Variants in SOX6 observed in about 807,000 individuals in gnomAD.
SOX6 encodes the protein SRY-box transcription factor 6, also known as transcription factor SOX-6.
SOX6 carries 11 observed loss-of-function variants against 97.8 expected under a neutral mutation model. The observed-to-expected ratio is 0.11, with a 90% CI of 0.07 to 0.19. The LOEUF is 0.19. Ranked by LOEUF, SOX6 falls within the 10% of genes least tolerant of loss-of-function variation. The pLI, the probability that SOX6 is intolerant of heterozygous loss-of-function variation, is 1.00. For synonymous variants in SOX6, 360 were observed against 371.4 expected (o/e 0.97, Z 0.35); for missense variants, 810 against 1,039.5 (o/e 0.78, Z 3.04).
At chr11:16,310,725 T>C (rs1855576963) in intron 3 of SOX6, among the ~76,000 whole-genome samples, 1 of 152,138 alleles carries the variant, frequency 6.6e-6, no homozygotes, top group Non-Finnish European at 1.5e-5. Context: ...ATACTTAAAG[T>C]GTTTCTTATG....
At chr11:16,191,284 G>C (rs1056100996) in intron 4 of SOX6, among the ~76,000 whole-genome samples, 31 of 151,972 alleles carry the variant, frequency 2.0e-4, no homozygotes, top group Non-Finnish European at 3.2e-4. Context: ...GTAAGAACCT[G>C]TCTCTCCAAA....
chr11:16,130,186 T>C (rs966383291), intron 6 of SOX6, among the ~76,000 whole-genome samples: 6 of 151,980 alleles, frequency 3.9e-5, no homozygotes, highest in African/African-American at 1.4e-4. Flanking sequence ...TAACTCCATT[T>C]ACATTAGCAT....
chr11:16,267,030 C>CAA (rs1854101750), intron 3 of SOX6, among the ~76,000 whole-genome samples: 3 of 151,172 alleles, frequency 2.0e-5, no homozygotes, highest in African/African-American at 7.3e-5. Context: ...ATACCACATA[C>CAA]AAAATCAACT....
intron 6 of SOX6, among the ~76,000 whole-genome samples, chr11:16,146,185 A>G (rs2134048428): frequency 6.6e-6 from 1 of 152,342 alleles, no homozygotes; most frequent in Admixed American, 6.5e-5. Flanking sequence ...CAGAGCCCTC[A>G]GAAATAATAC....
intron 4 of SOX6, among the ~76,000 whole-genome samples, chr11:16,493,513 G>C (rs1190046246): frequency 6.6e-6 from 1 of 152,150 alleles, no homozygotes; most frequent in Non-Finnish European, 1.5e-5. Context: ...GTTGGTATAG[G>C]AAGAAGAAAG....
intron 3 of SOX6, among the ~76,000 whole-genome samples, chr11:16,289,706 T>A (rs1479160991): frequency 1.3e-5 from 2 of 152,018 alleles, no homozygotes; most frequent in Non-Finnish European, 1.5e-5. Flanking sequence ...ATTCGCAGCC[T>A]ATCAATTCTG....
At chr11:15,976,150 T>C (rs1282593988) in intron 15 of SOX6, among the ~76,000 whole-genome samples, 1 of 152,152 alleles carries the variant, frequency 6.6e-6, no homozygotes, top group Non-Finnish European at 1.5e-5. Context: ...CACATTCACA[T>C]ACAACTGTTC....
At chr11:16,340,865 AG>A in intron 2 of SOX6, 146 bp downstream of exon 2, 1 of 1,103,222 alleles carries the variant, frequency 9.1e-7, no homozygotes, top group Non-Finnish European at 1.3e-6. Flanking sequence ...TCCAGTTATT[AG>A]TATCTTAGTA....
intron 3 of SOX6, among the ~76,000 whole-genome samples, chr11:16,617,034 A>G (rs547548520): frequency 6.6e-6 from 1 of 151,938 alleles, no homozygotes; most frequent in Non-Finnish European, 1.5e-5. Flanking sequence ...TCATAATGAT[A>G]CATACAAGAT....
At chr11:16,460,816 G>A (rs1484757360) in intron 1 of SOX6, among the ~76,000 whole-genome samples, 8 of 151,998 alleles carry the variant, frequency 5.3e-5, no homozygotes, top group African/African-American at 1.4e-4. Flanking sequence ...GCCACCTGAT[G>A]AAAAAGCCAT....
chr11:16,425,906 T>C (rs1346690722), intron 1 of SOX6, among the ~76,000 whole-genome samples: 1 of 152,040 alleles, frequency 6.6e-6, no homozygotes, highest in Non-Finnish European at 1.5e-5. Flanking sequence ...AATTTATAGA[T>C]TCAATGCTAT....
chr11:16,368,108 C>T (rs556448709), intron 1 of SOX6, among the ~76,000 whole-genome samples: 4 of 152,088 alleles, frequency 2.6e-5, no homozygotes, highest in South Asian at 4.2e-4. Context: ...CTATTGGCCA[C>T]GAAATAATTC....
chr11:16,665,055 C>T (rs1425693160), intron 3 of SOX6, among the ~76,000 whole-genome samples: 1 of 151,884 alleles, frequency 6.6e-6, no homozygotes. Context: ...GGTAACCAGA[C>T]AGTATTTGCC....
intron 1 of SOX6, among the ~76,000 whole-genome samples, chr11:16,403,052 T>G: frequency 6.6e-6 from 1 of 151,758 alleles, no homozygotes; most frequent in South Asian, 2.1e-4. Context: ...TTCACATCAC[T>G]GGCCTATCAA....
intron 12 of SOX6, among the ~76,000 whole-genome samples, chr11:16,035,399 C>G (rs1269936205): frequency 6.6e-6 from 1 of 152,112 alleles, no homozygotes; most frequent in Admixed American, 6.5e-5. Flanking sequence ...AGGATGTTTG[C>G]TAGAATTAAC....
At chr11:16,292,427 A>G (rs888213953) in intron 3 of SOX6, among the ~76,000 whole-genome samples, 2 of 152,078 alleles carry the variant, frequency 1.3e-5, no homozygotes, top group East Asian at 1.9e-4. Context: ...AATGTCTAGA[A>G]TCCAAAGAAA....
chr11:16,069,084 A>G (rs1245305886), intron 9 of SOX6, among the ~76,000 whole-genome samples: 1 of 152,142 alleles, frequency 6.6e-6, no homozygotes, highest in Non-Finnish European at 1.5e-5. Flanking sequence ...CCAGAGATGG[A>G]GGTCATCTTT....
At chr11:16,132,805 A>G (rs1590217435) in intron 6 of SOX6, among the ~76,000 whole-genome samples, 1 of 152,042 alleles carries the variant, frequency 6.6e-6, no homozygotes, top group African/African-American at 2.4e-5. Context: ...GACACACAAA[A>G]TCCACCAAGT....
intron 15 of SOX6, 148 bp from the exon 16 acceptor site, chr11:15,973,260 G>A (rs1290316587): frequency 2.5e-6 from 2 of 808,886 alleles, no homozygotes; most frequent in East Asian, 5.3e-5. Flanking sequence ...TGTGACAAAG[G>A]TGTTCCCTGG....
Sources: allele counts gnomAD v4.1 joint callset (sites outside exome capture counted in the v4.1 genomes callset), GRCh38; gene constraint gnomAD v4.1.1; transcripts MANE v1.5; gene names NCBI Gene and HGNC (gene_info 2026-07-23, HGNC 2026-07-21).